PLCD4: variants seen among roughly 807,000 people sequenced by gnomAD.
PLCD4 encodes the protein phospholipase C delta 4.
Under a neutral mutation model 90.2 loss-of-function variants are expected in PLCD4, and 63 were observed. The observed-to-expected ratio is 0.70, with a 90% confidence interval of 0.57 to 0.86. PLCD4 has a LOEUF of 0.86. PLCD4 is among the 40% of genes least tolerant of loss of function. The pLI is 0.00. For synonymous variants in PLCD4, 294 were observed against 356.5 expected (o/e 0.82, Z 1.97); for missense variants, 830 against 956.3 (o/e 0.87, Z 1.74).
intron 1 of PLCD4, 92 bp downstream of exon 1, chr2:218,608,162 T>A (rs942981561): frequency 6.6e-6 from 1 of 152,548 alleles, no homozygotes; most frequent in African/African-American, 2.4e-5. Context: ...TCCACCCTGA[T>A]TAAATTGTAC....
chr2:218,617,296 G>A (rs1247839279), intron 3 of PLCD4, among the ~76,000 whole-genome samples: 5 of 150,558 alleles, frequency 3.3e-5, no homozygotes, highest in Non-Finnish European at 1.5e-5. Flanking sequence ...AAAAAATGCG[G>A]CTGGGTGTGG....
chr2:218,615,275 C>G (rs1356155978), intron 1 of PLCD4, among the ~76,000 whole-genome samples: 1 of 152,088 alleles, frequency 6.6e-6, no homozygotes, highest in Non-Finnish European at 1.5e-5. Flanking sequence ...GCTGGACAGT[C>G]TATGTGGGAG....
At chr2:218,617,764 G>A (rs999583763) in intron 3 of PLCD4, among the ~76,000 whole-genome samples, 5 of 152,170 alleles carry the variant, frequency 3.3e-5, no homozygotes, top group East Asian at 1.9e-4. Context: ...TGGTTCCCTC[G>A]TAGACATCTG....
At chr2:218,614,676 C>T (rs1695500794) in intron 1 of PLCD4, among the ~76,000 whole-genome samples, 1 of 151,532 alleles carries the variant, frequency 6.6e-6, no homozygotes, top group Admixed American at 6.6e-5. Context: ...GTCTCAAACT[C>T]CTGACCTCTG....
intron 3 of PLCD4, 58 bp from the exon 4 acceptor site, chr2:218,618,520 GC>G (rs1460556132): frequency 4.1e-6 from 6 of 1,464,938 alleles, no homozygotes; most frequent in Admixed American, 1.8e-5. Flanking sequence ...TTCACTCTTA[GC>G]CCCTGCTATT....
At chr2:218,631,959 AG>A (rs1312287154) in intron 9 of PLCD4, among the ~76,000 whole-genome samples, 176 bp from the exon 10 acceptor site, 8 of 152,176 alleles carry the variant, frequency 5.3e-5, no homozygotes, top group Non-Finnish European at 1.0e-4. Context: ...AGATATTAAA[AG>A]TTTGCTTAAC....
chr2:218,632,881 G>A (rs1696462464), intron 10 of PLCD4, among the ~76,000 whole-genome samples: 1 of 152,154 alleles, frequency 6.6e-6, no homozygotes, highest in Non-Finnish European at 1.5e-5. Context: ...CTCTGAGAAG[G>A]CTGTGCTAGA....
intron 3 of PLCD4, among the ~76,000 whole-genome samples, chr2:218,616,368 A>G (rs1222752293): frequency 2.6e-5 from 4 of 152,206 alleles, no homozygotes; most frequent in African/African-American, 9.6e-5. Flanking sequence ...TGCCTGAATT[A>G]AAGCCCTGGC....
intron 6 of PLCD4, among the ~76,000 whole-genome samples, chr2:218,624,664 A>C (rs1378614606): frequency 6.7e-6 from 1 of 149,246 alleles, no homozygotes. Flanking sequence ...AGGCTGTAGT[A>C]AGCCGAGATC....
rs1696584386 is a variant in PLCD4, at chr2:218,634,350, T to C, written c.1724-108T>C. The stretch of plus-strand genomic sequence containing the variant: ...GGCTGAGAAATGCTATCAGTGGATA[T>C]TACCAGCAGGTACCGTGCACCCAGT... On this transcript the variant is annotated intron_variant, in intron 12 of 15. Transcript: ENST00000450993. The surrounding 1 kb of genome is among the most constrained non-coding windows in gnomAD (Gnocchi z 4.0). 4 of 1,572,632 alleles carry C rather than the reference T, an allele frequency of 2.5e-6. No individual in the cohort carries two copies. The highest frequency in any genetic ancestry group is 2.6e-6 in the Non-Finnish European group (3 of 1,156,310).
At position 218,621,599 on chromosome 2, in the gene PLCD4, G is replaced by T; in HGVS notation, c.540G>T (p.Gln180His). ...AAGAATATGCCTTCAGTCTTTTTCA[G>T]GTGAGTCTGTGGGGAAGGATTTCCA... ...MDQEYAFSLF[Q>H]AADTSQSGTL... Residue 180 changes from glutamine (Q) to histidine (H), a missense_variant and splice_region_variant, in exon 5 of 16, where the codon CAG (glutamine) becomes CAT (histidine). Transcript: ENST00000450993. The T allele has an allele frequency of 1.2e-6, 2 of 1,613,718 alleles. No homozygotes were observed. Among genetic ancestry groups the T allele is most frequent in the Non-Finnish European group, 1.7e-6 (2 of 1,179,724 alleles).
intron 4 of PLCD4, among the ~76,000 whole-genome samples, 154 bp from the exon 5 acceptor site, chr2:218,621,316 G>C (rs1022483920): frequency 6.6e-6 from 1 of 152,244 alleles, no homozygotes; most frequent in Non-Finnish European, 1.5e-5. Context: ...TGGTGCTCTA[G>C]AGAGATTATT....
chr2:218,617,220 T>A (rs1359406925), intron 3 of PLCD4, among the ~76,000 whole-genome samples: 1 of 142,608 alleles, frequency 7.0e-6, no homozygotes, highest in East Asian at 2.3e-4. Context: ...TGCCTCGGCC[T>A]CCCAAAGTGC....
At chr2:218,616,874 ATTTAATG>A (rs1376840085) in intron 3 of PLCD4, among the ~76,000 whole-genome samples, 5 of 125,268 alleles carry the variant, frequency 4.0e-5, no homozygotes, top group Non-Finnish European at 3.4e-5. Context: ...ACCAGAATGC[ATTTAATG>A]AATGTTAGCC....
intron 10 of PLCD4, among the ~76,000 whole-genome samples, chr2:218,632,754 G>A (rs948244238): frequency 6.6e-6 from 1 of 152,122 alleles, no homozygotes; most frequent in African/African-American, 2.4e-5. Flanking sequence ...AATGATTGTT[G>A]TGATCTCAAC....
intron 1 of PLCD4, among the ~76,000 whole-genome samples, chr2:218,610,225 G>A (rs1695270958): frequency 6.6e-6 from 1 of 151,984 alleles, no homozygotes; most frequent in African/African-American, 2.4e-5. Context: ...AGATGAAAGA[G>A]GCTGGGCATG....
Position 218,622,643 on chromosome 2 carries a change from G to T in PLCD4, c.541-4G>T, listed in dbSNP as rs752488864. 2.5e-5 allele frequency: 41 copies of T among 1,609,400 alleles called. No homozygotes were observed. In the Admixed American group the frequency reaches 6.5e-4, roughly 26 times the overall value. On this transcript the variant is annotated splice_region_variant and splice_polypyrimidine_tract_variant and intron_variant, in intron 5 of 15. Coordinates refer to ENST00000450993, the MANE Select transcript of PLCD4 (RefSeq NM_032726.4). ...ATTCACTCTCCCCTAAACCTCTCTT[G>T]CAGGCAGCAGACACGTCCCAGTCTG...
chr2:218,622,924 G>C, intron 6 of PLCD4, 46 bp downstream of exon 6: 1 of 1,525,166 alleles, frequency 6.6e-7, no homozygotes, highest in Non-Finnish European at 9.0e-7. Flanking sequence ...GGGTTGGAGA[G>C]AGGGACATGA....
chr2:218,611,634 C>G (rs940697090), intron 1 of PLCD4, among the ~76,000 whole-genome samples: 1 of 152,050 alleles, frequency 6.6e-6, no homozygotes, highest in African/African-American at 2.4e-5. Flanking sequence ...AGTCTCACTC[C>G]GTCACCCAGG....
Sources: gnomAD v4.1 joint callset for allele counts (sites outside exome capture counted in the v4.1 genomes callset) on GRCh38, gnomAD v4.1.1 for gene constraint, Gnocchi (gnomAD v3.1) non-coding constraint, MANE v1.5 for transcripts, NCBI Gene and HGNC (gene_info 2026-07-23, HGNC 2026-07-21) for gene names.